Variants in COL11A1 observed in about 807,000 individuals in gnomAD.
COL11A1 encodes the protein collagen alpha-1(XI) chain.
Under a neutral mutation model 265.2 loss-of-function variants are expected in COL11A1, and 74 were observed. The observed-to-expected ratio is 0.28, with a 90% CI of 0.23 to 0.34. COL11A1 has a LOEUF of 0.34. Ranked by LOEUF, COL11A1 falls within the 10% of genes least tolerant of loss-of-function variation. COL11A1 has a pLI of 1.00. For missense variants in COL11A1, 2,165 were observed against 2,263.6 expected (o/e 0.96, Z 0.88); for synonymous variants, 816 against 727.6 (o/e 1.12, Z -1.96).
intron 10 of COL11A1, 68 bp from the exon 11 acceptor site, chr1:103,017,950 A>G: frequency 8.0e-7 from 1 of 1,254,570 alleles, no homozygotes; most frequent in Non-Finnish European, 1.2e-6. Context: ...AATTCACTCT[A>G]GTCCTATCGA....
chr1:102,977,059 A>G (rs1442226312), intron 35 of COL11A1, among the ~76,000 whole-genome samples: 1 of 152,178 alleles, frequency 6.6e-6, no homozygotes, highest in Non-Finnish European at 1.5e-5. Context: ...ATCATGAGAG[A>G]GTCCTTTGAA....
intron 14 of COL11A1, among the ~76,000 whole-genome samples, chr1:103,009,152 G>A (rs959448927): frequency 2.0e-5 from 3 of 152,214 alleles, no homozygotes; most frequent in East Asian, 1.9e-4. Flanking sequence ...GGTGGCTCAC[G>A]CCTGTAATCC....
At position 103,005,852 on chromosome 1, in the gene COL11A1, C is replaced by T. The variant is rs780843845; in HGVS notation, c.1831G>A (p.Asp611Asn). The T allele has an allele frequency of 1.2e-6, 2 of 1,613,960 alleles. No individual in the cohort carries two copies. Among genetic ancestry groups the T allele is most frequent in the Non-Finnish European group, 1.7e-6 (2 of 1,180,010 alleles). The part of the protein sequence containing the change: ...GFDGLPGLPG[D>N]KGHRGERGPQ... ...ATGTATCTTACCCTGTGACCTTTGT[C>T]ACCTGGCAGACCCGGAAGTCCATCA... The change falls in exon 18 of 67, where the codon GAC (aspartate) becomes AAC (asparagine). Residue 611 changes from aspartate (D) to asparagine (N), a missense_variant. Transcript: ENST00000370096.
chr1:102,885,354 T>A (rs1327243906), intron 63 of COL11A1, among the ~76,000 whole-genome samples: 1 of 152,166 alleles, frequency 6.6e-6, no homozygotes, highest in East Asian at 1.9e-4. Context: ...CAACTGTTTT[T>A]CATGCTGCCA....
intron 54 of COL11A1, among the ~76,000 whole-genome samples, chr1:102,900,191 C>T (rs577686090): frequency 2.6e-5 from 4 of 152,128 alleles, no homozygotes; most frequent in South Asian, 2.1e-4. Flanking sequence ...ATTAGACATT[C>T]ATTGTACCTC....
At chr1:102,950,200 T>C (rs953047815) in intron 41 of COL11A1, among the ~76,000 whole-genome samples, 1 of 152,124 alleles carries the variant, frequency 6.6e-6, no homozygotes, top group African/African-American at 2.4e-5. Context: ...GAGGGTCACC[T>C]GAGCCCAGGG....
intron 54 of COL11A1, among the ~76,000 whole-genome samples, chr1:102,907,202 C>T (rs1281622152): frequency 2.6e-5 from 4 of 151,932 alleles, no homozygotes; most frequent in Non-Finnish European, 4.4e-5. Context: ...GAATACAAAG[C>T]CTTCTAATTT....
At chr1:103,095,754 T>G (rs1193369150) in intron 1 of COL11A1, among the ~76,000 whole-genome samples, 1 of 152,002 alleles carries the variant, frequency 6.6e-6, no homozygotes, top group Non-Finnish European at 1.5e-5. Context: ...ATTGTTCAGT[T>G]TGGATAGAGA....
intron 37 of COL11A1, among the ~76,000 whole-genome samples, chr1:102,967,398 G>T (rs1308906944): frequency 4.0e-5 from 6 of 151,586 alleles, no homozygotes; most frequent in Non-Finnish European, 8.8e-5. Flanking sequence ...CCGCCACCAA[G>T]CCCGGCTAAT....
rs774097965 is a variant in COL11A1 at position 103,003,212 on chromosome 1, T to G, written c.1998+3A>C. ...AATCTTCAATGTTTCCAGCAATACA[T>G]ACAGGCTGCCCTGGAGCTCCTGGAG... On this transcript the variant is annotated splice_donor_region_variant and intron_variant, in intron 21 of 66. Transcript: ENST00000370096. 1.2e-6 allele frequency: 2 copies of G among 1,613,450 alleles called. No individual in the cohort carries two copies. Among genetic ancestry groups the G allele is most frequent in the Admixed American group, 1.7e-5 (1 of 59,902 alleles).
rs146246643 is a variant in COL11A1, at chr1:103,022,803, C to T, written c.1184G>A (p.Ser395Asn). ...EYKEYEDKPT[S>N]PPNEEFGPGV... ...TGGACCAAATTCTTCATTAGGGGGG[C>T]TTGTTGGTTTATCTTCATATTCTTT... The change falls in exon 8 of 67, where the codon AGC becomes AAC. Residue 395 changes from serine to asparagine, a missense_variant. Coordinates refer to ENST00000370096, the MANE Select transcript of COL11A1 (RefSeq NM_001854.4). The T allele has an allele frequency of 6.2e-7, 1 of 1,613,688 alleles. No homozygotes were observed. Among genetic ancestry groups the T allele is most frequent in the Non-Finnish European group, 8.5e-7 (1 of 1,179,918 alleles).
chr1:103,034,769 T>C (rs1668234952), intron 4 of COL11A1, among the ~76,000 whole-genome samples: 1 of 151,990 alleles, frequency 6.6e-6, no homozygotes, highest in Non-Finnish European at 1.5e-5. Context: ...TTTTTTGTTG[T>C]CTCATGATGT....
At chr1:102,908,066 A>G (rs1414877266) in intron 54 of COL11A1, among the ~76,000 whole-genome samples, 1 of 152,074 alleles carries the variant, frequency 6.6e-6, no homozygotes, top group African/African-American at 2.4e-5. Context: ...ATTCTTCCCA[A>G]TACTTGGTTT....
intron 20 of COL11A1, among the ~76,000 whole-genome samples, chr1:103,003,492 A>G (rs1215525180): frequency 6.6e-6 from 1 of 152,154 alleles, no homozygotes; most frequent in African/African-American, 2.4e-5. Flanking sequence ...TGTTTCTTTG[A>G]TTCTATAATA....
intron 35 of COL11A1, among the ~76,000 whole-genome samples, chr1:102,977,182 C>G (rs2101668336): frequency 6.6e-6 from 1 of 152,160 alleles, no homozygotes; most frequent in East Asian, 1.9e-4. Flanking sequence ...ATTACTTTTG[C>G]CATTTTTCAA....
chr1:103,086,387 T>A (rs866818989), intron 1 of COL11A1, among the ~76,000 whole-genome samples: 12 of 152,198 alleles, frequency 7.9e-5, no homozygotes, highest in Middle Eastern at 3.4e-3. Flanking sequence ...TAAAATGGAC[T>A]GCAAAGTCCA....
chr1:103,033,904 G>C (rs771348844), intron 4 of COL11A1, among the ~76,000 whole-genome samples: 3 of 152,050 alleles, frequency 2.0e-5, no homozygotes, highest in Non-Finnish European at 4.4e-5. Flanking sequence ...AATTAGCTGG[G>C]TCTATAAGTG....
chr1:103,010,667 A>G (rs752467351), intron 14 of COL11A1, among the ~76,000 whole-genome samples: 18 of 152,030 alleles, frequency 1.2e-4, no homozygotes, highest in Non-Finnish European at 2.1e-4. Context: ...TATTTGAATA[A>G]TAGAGTTTTA....
intron 1 of COL11A1, among the ~76,000 whole-genome samples, chr1:103,083,629 G>A (rs1252111109): frequency 6.6e-6 from 1 of 152,090 alleles, no homozygotes; most frequent in Non-Finnish European, 1.5e-5. Flanking sequence ...GCTTTCCTGA[G>A]TTAGTTATTT....
Sources: gnomAD v4.1 joint callset for allele counts (sites outside exome capture counted in the v4.1 genomes callset) on GRCh38, gnomAD v4.1.1 for gene constraint, MANE v1.5 for transcripts, NCBI Gene and HGNC (gene_info 2026-07-23, HGNC 2026-07-21) for gene names.